Variants in PCLO observed in about 807,000 individuals in gnomAD.
The protein encoded by PCLO is piccolo presynaptic cytomatrix protein.
A neutral mutation model predicts 427.5 loss-of-function variants in PCLO; 82 were observed. That is an observed-to-expected ratio of 0.19 (90% CI 0.16 to 0.23). The LOEUF (loss-of-function observed/expected upper bound fraction) is 0.23. Ranked by LOEUF, PCLO falls within the 10% of genes least tolerant of loss-of-function variation. PCLO has a pLI of 1.00. For missense variants in PCLO, 6,239 were observed against 6,115.9 expected, an observed-to-expected ratio of 1.02 and a Z score of -0.67; for synonymous variants, 2,357 against 2,155.4, an observed-to-expected ratio of 1.09 and a Z score of -2.59.
At chr7:82,942,319 C>A (rs1795105161) in intron 6 of PCLO, among the ~76,000 whole-genome samples, 1 of 152,164 alleles carries the variant, frequency 6.6e-6, no homozygotes, top group African/African-American at 2.4e-5. Flanking sequence ...GTTAAACTGG[C>A]ATATCATAAT....
At chr7:82,871,847 T>C (rs1489458261) in intron 10 of PCLO, among the ~76,000 whole-genome samples, 2 of 151,880 alleles carry the variant, frequency 1.3e-5, no homozygotes, top group African/African-American at 4.8e-5. Context: ...CCTGTTAAAG[T>C]TTCTGAAATA....
intron 12 of PCLO, among the ~76,000 whole-genome samples, chr7:82,846,153 C>T (rs767147003): frequency 6.6e-6 from 1 of 151,910 alleles, no homozygotes; most frequent in Non-Finnish European, 1.5e-5. Flanking sequence ...TATAAAAAGG[C>T]AATGAAAGAG....
chr7:82,836,102 G>A (rs1053185926), intron 15 of PCLO, among the ~76,000 whole-genome samples: 1 of 152,086 alleles, frequency 6.6e-6, no homozygotes, highest in Non-Finnish European at 1.5e-5. Context: ...AGAATGGACT[G>A]ACAGATTCAT....
At chr7:83,130,556 C>G (rs1791546080) in intron 3 of PCLO, among the ~76,000 whole-genome samples, 1 of 152,058 alleles carries the variant, frequency 6.6e-6, no homozygotes, top group African/African-American at 2.4e-5. Context: ...ATTGATAATT[C>G]TTTTAGCCTT....
chr7:83,139,114 T>C (rs1791801365), intron 2 of PCLO, among the ~76,000 whole-genome samples: 1 of 152,128 alleles, frequency 6.6e-6, no homozygotes, highest in Admixed American at 6.5e-5. Flanking sequence ...CAGAACTTTC[T>C]GATAAACTTG....
At chr7:83,032,264 AG>A (rs2116151320) in intron 3 of PCLO, among the ~76,000 whole-genome samples, 1 of 152,190 alleles carries the variant, frequency 6.6e-6, no homozygotes, top group African/African-American at 2.4e-5. Context: ...TTATCCTTTA[AG>A]TATTGCACAC....
chr7:82,843,250 A>T (rs1792412779), intron 13 of PCLO, among the ~76,000 whole-genome samples: 1 of 152,208 alleles, frequency 6.6e-6, no homozygotes, highest in African/African-American at 2.4e-5. Context: ...TGTCATTTGT[A>T]ACAAGATGGA....
At chr7:82,856,420 C>A (rs1008275686) in intron 10 of PCLO, among the ~76,000 whole-genome samples, 2 of 152,082 alleles carry the variant, frequency 1.3e-5, no homozygotes, top group African/African-American at 4.8e-5. Flanking sequence ...CTAAAACAAT[C>A]CAGTCCAGTA....
At chr7:82,959,932 G>A (rs529661833) in intron 4 of PCLO, among the ~76,000 whole-genome samples, 24 of 152,220 alleles carry the variant, frequency 1.6e-4, no homozygotes, top group African/African-American at 4.6e-4. Context: ...AGGCAGTGAC[G>A]ATCGGAGCCC....
At chr7:82,900,776 T>C (rs1794019149) in intron 9 of PCLO, among the ~76,000 whole-genome samples, 1 of 151,948 alleles carries the variant, frequency 6.6e-6, no homozygotes, top group South Asian at 2.1e-4. Flanking sequence ...AATATTATCA[T>C]ATATATGTTA....
chr7:82,888,272 G>T (rs1050896195), intron 9 of PCLO, among the ~76,000 whole-genome samples: 24 of 151,978 alleles, frequency 1.6e-4, no homozygotes, highest in Non-Finnish European at 7.4e-5. Flanking sequence ...CTTTCTTTTG[G>T]TCTTCCACGA....
rs935429058 is a variant in PCLO at position 82,939,986 on chromosome 7, G to T, written c.11112+9490C>A. 1.7e-4 allele frequency among the ~76,000 whole-genome samples: 26 copies of T among 152,036 alleles called. 1 individual carries two copies. The highest frequency in any genetic ancestry group is 4.4e-5 in the Non-Finnish European group (3 of 67,976). On this transcript the variant is annotated intron_variant, in intron 6 of 24. Transcript: ENST00000333891. ...AAGAAATACTTTATGCAGTCCTCTAGAAGTTAAAGCCTATGGACTTATATT... is the reference window on the plus strand; with the variant it reads ...AAGAAATACTTTATGCAGTCCTCTATAAGTTAAAGCCTATGGACTTATATT...
intron 3 of PCLO, among the ~76,000 whole-genome samples, chr7:83,123,688 C>T (rs891308486): frequency 6.6e-6 from 1 of 151,880 alleles, no homozygotes. Context: ...AGGGACAACC[C>T]ATATAATGGG....
intron 7 of PCLO, among the ~76,000 whole-genome samples, chr7:82,911,660 GT>G (rs1794324451): frequency 6.6e-6 from 1 of 151,940 alleles, no homozygotes; most frequent in Non-Finnish European, 1.5e-5. Flanking sequence ...GTCTCACTCT[GT>G]CGCCAGGCAG....
intron 16 of PCLO, among the ~76,000 whole-genome samples, chr7:82,828,344 A>G (rs557638280): frequency 1.8e-3 from 274 of 152,248 alleles, no homozygotes; most frequent in African/African-American, 6.4e-3. Flanking sequence ...ATAGTTTTGT[A>G]CATACGGAAA....
intron 22 of PCLO, among the ~76,000 whole-genome samples, chr7:82,798,114 T>C (rs994507840): frequency 2.0e-5 from 3 of 152,132 alleles, no homozygotes; most frequent in Non-Finnish European, 2.9e-5. Flanking sequence ...TATGATATAC[T>C]CTGGATTAAA....
rs143064860 is a variant in PCLO, at chr7:82,845,300, C to T, written c.14017G>A (p.Val4673Met). 3.9e-4 allele frequency: 629 copies of T among 1,613,418 alleles called. 1 individual carries two copies. In the African/African-American group the frequency reaches 5.3e-3, roughly 14 times the overall value. Residue 4673 changes from valine to methionine, a missense_variant, in exon 13 of 25, where the codon GTG becomes ATG. Val to Met is a conservative substitution (Grantham distance 21). Transcript: ENST00000333891. ...PSPGQPGSPSVSKKKHGSSKP... is the reference protein window; with the variant it reads ...PSPGQPGSPSMSKKKHGSSKP... ...CTGCTGCCGTGCTTCTTTTTGCTCA[C>T]TGAGGGGGACCCTGGTTGCCCAGGG...
intron 3 of PCLO, among the ~76,000 whole-genome samples, chr7:83,014,354 T>C (rs1356972303): frequency 6.6e-6 from 1 of 152,162 alleles, no homozygotes; most frequent in East Asian, 1.9e-4. Context: ...TTATTAATTA[T>C]GCATGTATAT....
chr7:82,936,095 A>T (rs968890826), intron 6 of PCLO, among the ~76,000 whole-genome samples: 2 of 151,674 alleles, frequency 1.3e-5, no homozygotes, highest in African/African-American at 4.8e-5. Context: ...CATATAGAAC[A>T]CTTCACCAAA....
Sources: gnomAD v4.1 joint callset for allele counts (sites outside exome capture counted in the v4.1 genomes callset) on GRCh38, gnomAD v4.1.1 for gene constraint, MANE v1.5 for transcripts, NCBI Gene and HGNC (gene_info 2026-07-23, HGNC 2026-07-21) for gene names.